NCR3LG1: variants seen among roughly 807,000 people sequenced by gnomAD.
The protein encoded by NCR3LG1 is natural cytotoxicity triggering receptor 3 ligand 1.
NCR3LG1 carries 35 observed loss-of-function variants against 34.8 expected under a neutral mutation model. That is an observed-to-expected ratio of 1.01 (90% confidence interval 0.77 to 1.33). The LOEUF is 1.33. Among genes scored for constraint, NCR3LG1 ranks in the 40% most tolerant of loss-of-function variants. NCR3LG1 has a pLI of 0.00. For missense variants in NCR3LG1, 452 were observed against 423.3 expected, an observed-to-expected ratio of 1.07 and a Z score of -0.60; for synonymous variants, 173 against 163.6, an observed-to-expected ratio of 1.06 and a Z score of -0.44.
intron 2 of NCR3LG1, among the ~76,000 whole-genome samples, chr11:17,358,505 T>A (rs1953235768): frequency 6.6e-6 from 1 of 152,186 alleles, no homozygotes; most frequent in Non-Finnish European, 1.5e-5. Flanking sequence ...ATCACATGAC[T>A]TATGACTGTT....
chr11:17,368,911 T>C lies in NCR3LG1; in HGVS notation c.805T>C (p.Ser269Pro). Residue 269 changes from serine (S) to proline (P), a missense_variant, in exon 4 of 5, where the codon TCA becomes CCA. Physicochemically the swap from Ser to Pro is moderately conservative, Grantham distance 74. Coordinates refer to ENST00000338965, the MANE Select transcript of NCR3LG1 (RefSeq NM_001202439.3). ...TTTTTCCATTCATTGGTGGCCTATT[T>C]CATTCATTGGTGTTGGACTGGTTTT... ...DNFSIHWWPI[S>P]FIGVGLVLLI... The C allele has an allele frequency of 6.5e-7, 1 of 1,535,492 alleles. No homozygotes were observed. The highest frequency in any genetic ancestry group is 8.7e-7 in the Non-Finnish European group (1 of 1,146,326).
At chr11:17,352,464 C>G (rs1201636056) in intron 1 of NCR3LG1, among the ~76,000 whole-genome samples, 1 of 152,152 alleles carries the variant, frequency 6.6e-6, no homozygotes, top group Non-Finnish European at 1.5e-5. Flanking sequence ...CGTGAGCCCC[C>G]GCGCCCGGCC....
chr11:17,370,359 T>G (rs1953392522), intron 4 of NCR3LG1, among the ~76,000 whole-genome samples: 1 of 152,176 alleles, frequency 6.6e-6, no homozygotes, highest in Admixed American at 6.5e-5. Context: ...TTGTGGTGCA[T>G]TGACGAGACT....
chr11:17,356,439 A>T (rs1170060662), intron 1 of NCR3LG1, among the ~76,000 whole-genome samples: 1 of 151,770 alleles, frequency 6.6e-6, no homozygotes, highest in African/African-American at 2.4e-5. Context: ...GCCTGGCCTC[A>T]TGTCTTTTCT....
intron 1 of NCR3LG1, among the ~76,000 whole-genome samples, chr11:17,353,160 T>C (rs1301992497): frequency 1.3e-5 from 2 of 152,196 alleles, no homozygotes; most frequent in Non-Finnish European, 2.9e-5. Flanking sequence ...AAGTAAACAG[T>C]GGACATACAA....
rs1431815204 is a variant in NCR3LG1 at position 17,375,815 on chromosome 11, A to AG, written c.*3306dup. Reference sequence around the variant, plus strand: ...ACACTTGAGGCCCCTCTGATTTGGGAGGGCTACATAAGGGAAATAAAGCCT... The same window carrying AG: ...ACACTTGAGGCCCCTCTGATTTGGGAGGGGCTACATAAGGGAAATAAAGCCT... On this transcript the variant is annotated 3_prime_UTR_variant, in exon 5 of 5. Transcript: ENST00000338965. 14 of 152,148 alleles carry AG rather than the reference A, an allele frequency of 9.2e-5. No homozygotes were observed. The highest frequency in any genetic ancestry group is 3.1e-4 in the African/African-American group (13 of 41,440). The allele number at this position is 152,148 out of a possible 1,614,324, so 9.4% of individuals were successfully genotyped here. A position where few individuals can be genotyped will look rare whatever the true frequency, so the allele number is the denominator to read the frequency against.
chr11:17,363,701 A>G (rs949487481), intron 2 of NCR3LG1, among the ~76,000 whole-genome samples: 1 of 151,694 alleles, frequency 6.6e-6, no homozygotes, highest in Non-Finnish European at 1.5e-5. Flanking sequence ...AGCCCAAGTG[A>G]TCCTCCCACC....
rs1269345981 is a variant in NCR3LG1, at chr11:17,351,940, GA to G, written c.-23del. 2.6e-6 allele frequency: 4 copies of G among 1,522,878 alleles called. No individual in the cohort carries two copies. Among genetic ancestry groups the G allele is most frequent in the African/African-American group, 1.4e-5 (1 of 72,230 alleles). The allele number at this position is 1,522,878 out of a possible 1,614,324, so 94.3% of individuals were successfully genotyped here. Reference sequence around the variant, plus strand: ...ACCGGGCCGCCTGCTCCCACTCGGCGAAAAAAATTACACAACAGCAGCCGCG... The same window carrying G: ...ACCGGGCCGCCTGCTCCCACTCGGCGAAAAAATTACACAACAGCAGCCGCG... On this transcript the variant is annotated 5_prime_UTR_variant, in exon 1 of 5. Transcript: ENST00000338965.
rs1387429658 is a variant in NCR3LG1 at position 17,356,925 on chromosome 11, G to A, written c.345G>A (p.Glu115=). 3 of 1,536,020 alleles carry A rather than the reference G, an allele frequency of 2.0e-6. No individual in the cohort carries two copies. Among genetic ancestry groups the A allele is most frequent in the African/African-American group, 2.7e-5 (2 of 73,054 alleles). ...TGCGGCTGCCTGGAATCCAGCTGGA[G>A]GAAGCAGGAGAGTACCGATGTGAGG... The part of the protein sequence containing the change: ...ASLRLPGIQL[E]EAGEYRCEVV... The change falls in exon 2 of 5, where the codon GAG becomes GAA. Residue 115 remains glutamate, a synonymous_variant. Transcript: ENST00000338965.
At chr11:17,353,766 G>T (rs886566073) in intron 1 of NCR3LG1, among the ~76,000 whole-genome samples, 2 of 152,332 alleles carry the variant, frequency 1.3e-5, no homozygotes, top group Non-Finnish European at 2.9e-5. Flanking sequence ...GTCCAGCCAC[G>T]AGGAGCGCGG....
At position 17,351,958 on chromosome 11, in the gene NCR3LG1, G is replaced by A. The variant is rs764948804; in HGVS notation, c.-12G>A. Reference sequence around the variant, plus strand: ...ACTCGGCGAAAAAAATTACACAACAGCAGCCGCGGCGATGACGTGGAGGGC... The same window carrying A: ...ACTCGGCGAAAAAAATTACACAACAACAGCCGCGGCGATGACGTGGAGGGC... On this transcript the variant is annotated 5_prime_UTR_variant, in exon 1 of 5. Coordinates refer to ENST00000338965, the MANE Select transcript of NCR3LG1 (RefSeq NM_001202439.3). The A allele has an allele frequency of 4.4e-5, 65 of 1,491,794 alleles. 3 individuals carry two copies. In the South Asian group the frequency reaches 6.9e-4, roughly 16 times the overall value. 92.4% of individuals were successfully genotyped at this position (1,491,794 alleles called of 1,614,324 possible).
rs774902914 is a variant in NCR3LG1, at chr11:17,376,455, C to A, written c.*3943C>A. 11 of 152,170 alleles carry A rather than the reference C, an allele frequency of 7.2e-5. No individual in the cohort carries two copies. The highest frequency in any genetic ancestry group is 1.5e-4 in the Non-Finnish European group (10 of 68,032). 9.4% of individuals were successfully genotyped at this position (152,170 alleles called of 1,614,324 possible). On this transcript the variant is annotated 3_prime_UTR_variant, in exon 5 of 5. Transcript: ENST00000338965. ...TTAGCCTCTACTGTGTCAGCCATGT[C>A]CCATTTATACAAGACAAATTGCTGG... is the stretch of plus-strand genomic sequence containing the variant.
Position 17,367,182 on chromosome 11 carries a change from A to G in NCR3LG1, c.595A>G (p.Thr199Ala). ...EISEDVITGP[T>A]IKNMDGTFNV... ...TTCTGAGGATGTCATCACTGGTCCC[A>G]CCATCAAGAATATGGATGGCACATT... Residue 199 changes from threonine to alanine, a missense_variant, in exon 3 of 5, where the codon ACC (threonine) becomes GCC (alanine). Transcript: ENST00000338965. 1 of 1,536,614 alleles carries G rather than the reference A, an allele frequency of 6.5e-7. No individual in the cohort carries two copies. The highest frequency in any genetic ancestry group is 8.7e-7 in the Non-Finnish European group (1 of 1,147,030).
chr11:17,363,736 A>G (rs1953313817), intron 2 of NCR3LG1, among the ~76,000 whole-genome samples: 1 of 151,944 alleles, frequency 6.6e-6, no homozygotes, highest in Admixed American at 6.6e-5. Context: ...AGCTGGGGCC[A>G]CACGCGGGTG....
intron 2 of NCR3LG1, among the ~76,000 whole-genome samples, chr11:17,363,573 TCTC>T (rs1953311163): frequency 9.5e-6 from 1 of 105,556 alleles, no homozygotes; most frequent in African/African-American, 3.1e-5. Context: ...CCTTCCTCTT[TCTC>T]TCTTTTCTTT....
At chr11:17,368,289 C>T (rs1953369366) in intron 3 of NCR3LG1, among the ~76,000 whole-genome samples, 1 of 152,114 alleles carries the variant, frequency 6.6e-6, no homozygotes, top group African/African-American at 2.4e-5. Context: ...TTGGTCATAG[C>T]TCTGGTCTTG....
chr11:17,377,614 A>G (rs1370164019), downstream of NCR3LG1, among the ~76,000 whole-genome samples: 3 of 152,204 alleles, frequency 2.0e-5, no homozygotes, highest in South Asian at 6.2e-4. Context: ...AGATGTTCCT[A>G]TTACATGCAG....
downstream of NCR3LG1, among the ~76,000 whole-genome samples, chr11:17,378,372 T>TC (rs1370759529): frequency 4.6e-5 from 7 of 152,170 alleles, no homozygotes; most frequent in African/African-American, 1.7e-4. Flanking sequence ...GATTCCAGTC[T>TC]TCTTTGTGGA....
chr11:17,354,702 C>G lies in NCR3LG1; in HGVS notation c.71-1949C>G, dbSNP rs371387182. Among the ~76,000 whole-genome samples the G allele has an allele frequency of 3.1e-3, 465 of 152,084 alleles. 3 individuals are homozygous for G. Among genetic ancestry groups the G allele is most frequent in the African/African-American group, 0.011 (445 of 41,510 alleles). On this transcript the variant is annotated intron_variant, in intron 1 of 4. Transcript: ENST00000338965. ...ACTGTTTTTTTGGTTACAGTTGACCCTATCTTCATTTTGTAGGTCAAGTCT... is the reference window on the plus strand; with the variant it reads ...ACTGTTTTTTTGGTTACAGTTGACCGTATCTTCATTTTGTAGGTCAAGTCT...
Sources: allele counts gnomAD v4.1 joint callset (sites outside exome capture counted in the v4.1 genomes callset), GRCh38; gene constraint gnomAD v4.1.1; transcripts MANE v1.5; gene names NCBI Gene and HGNC (gene_info 2026-07-23, HGNC 2026-07-21).